Variants in TACR3 observed in about 807,000 individuals in gnomAD.
TACR3 encodes neuromedin-K receptor.
Under a neutral mutation model 35.0 loss-of-function variants are expected in TACR3, and 34 were observed. The observed-to-expected ratio is 0.97, with a 90% CI of 0.74 to 1.30. The LOEUF (loss-of-function observed/expected upper bound fraction) is 1.30, where lower values mean the gene tolerates loss of function less well. TACR3 is among the 50% of genes most tolerant of loss of function. The pLI, the probability that TACR3 is intolerant of heterozygous loss-of-function variation, is 0.00. For missense variants in TACR3, 558 were observed against 591.7 expected (o/e 0.94, Z 0.59); for synonymous variants, 233 against 221.1 (o/e 1.05, Z -0.48).
At chr4:103,646,362 G>A (rs1451441580) in intron 3 of TACR3, among the ~76,000 whole-genome samples, 1 of 151,966 alleles carries the variant, frequency 6.6e-6, no homozygotes, top group Non-Finnish European at 1.5e-5. Context: ...AATAATCTTT[G>A]ACGAATGAAG....
At chr4:103,611,312 T>C (rs1345481955) in intron 3 of TACR3, among the ~76,000 whole-genome samples, 3 of 152,210 alleles carry the variant, frequency 2.0e-5, no homozygotes, top group Non-Finnish European at 4.4e-5. Context: ...TAATGTTTCA[T>C]AGTTTTTATT....
At chr4:103,609,916 T>A (rs976005986) in intron 3 of TACR3, among the ~76,000 whole-genome samples, 4 of 152,046 alleles carry the variant, frequency 2.6e-5, no homozygotes, top group African/African-American at 9.7e-5. Flanking sequence ...CATAATGTCC[T>A]CTAGGTTCAT....
intron 3 of TACR3, among the ~76,000 whole-genome samples, chr4:103,634,449 T>C (rs1725135734): frequency 6.6e-6 from 1 of 152,088 alleles, no homozygotes; most frequent in African/African-American, 2.4e-5. Context: ...GGTGCAGCTA[T>C]ACTAGCTATA....
chr4:103,659,201 G>A (rs1477357173), intron 1 of TACR3, among the ~76,000 whole-genome samples: 1 of 152,162 alleles, frequency 6.6e-6, no homozygotes, highest in Admixed American at 6.5e-5. Context: ...GTTCTAACAG[G>A]CCAGGAACTG....
intron 1 of TACR3, among the ~76,000 whole-genome samples, chr4:103,676,030 A>G (rs1326004649): frequency 6.6e-6 from 1 of 152,164 alleles, no homozygotes; most frequent in African/African-American, 2.4e-5. Context: ...CTATTCTTCC[A>G]TAGCTAGTTT....
Position 103,675,201 on chromosome 4 carries a change from T to C in TACR3, c.549-16798A>G, listed in dbSNP as rs1726142561. Among the ~76,000 whole-genome samples the C allele has an allele frequency of 2.0e-5, 3 of 152,186 alleles. 1 individual carries two copies. Among genetic ancestry groups the C allele is most frequent in the Admixed American group, 6.5e-5 (1 of 15,274 alleles). On this transcript the variant is annotated intron_variant, in intron 1 of 4. Transcript: ENST00000304883. Reference sequence around the variant, plus strand: ...TCTTTCCCTCTTTTCTATCAATGCTTGGATCTTGAAATGTCCTCATAATGA... The same window carrying C: ...TCTTTCCCTCTTTTCTATCAATGCTCGGATCTTGAAATGTCCTCATAATGA...
At position 103,660,278 on chromosome 4, in the gene TACR3, AATC is replaced by A. The variant is rs144894782; in HGVS notation, c.549-1878_549-1876del. ...AACATGAAACTTAGATTTGAAAAAT[AATC>A]ATATTTGTCCTTTTGTGACTGGCTT... On this transcript the variant is annotated intron_variant, in intron 1 of 4. Transcript: ENST00000304883. Among the ~76,000 whole-genome samples, 342 of 152,224 alleles carry A rather than the reference AATC, an allele frequency of 2.2e-3. 1 individual carries two copies. Among genetic ancestry groups the A allele is most frequent in the African/African-American group, 4.9e-3 (205 of 41,568 alleles).
chr4:103,625,379 T>C (rs1258338419), intron 3 of TACR3, among the ~76,000 whole-genome samples: 2 of 151,498 alleles, frequency 1.3e-5, no homozygotes, highest in African/African-American at 2.4e-5. Context: ...AATGAAAAGG[T>C]GAAATAATTT....
intron 3 of TACR3, among the ~76,000 whole-genome samples, chr4:103,621,655 G>GATT (rs2110304279): frequency 6.6e-6 from 1 of 152,282 alleles, no homozygotes; most frequent in African/African-American, 2.4e-5. Flanking sequence ...AAAAGTTATA[G>GATT]ATTATTTCCA....
chr4:103,712,907 A>G (rs1278693039), intron 1 of TACR3, among the ~76,000 whole-genome samples: 1 of 152,244 alleles, frequency 6.6e-6, no homozygotes, highest in Non-Finnish European at 1.5e-5. Flanking sequence ...GAGAAATGCA[A>G]ATCAAAACCA....
intron 1 of TACR3, among the ~76,000 whole-genome samples, chr4:103,693,340 G>T (rs186580680): frequency 2.1e-4 from 32 of 152,072 alleles, no homozygotes; most frequent in Admixed American, 9.8e-4. Context: ...TATTTTTTAT[G>T]GGCAGACACA....
At chr4:103,648,557 G>A (rs951783340) in intron 3 of TACR3, among the ~76,000 whole-genome samples, 2 of 152,024 alleles carry the variant, frequency 1.3e-5, no homozygotes, top group South Asian at 2.1e-4. Context: ...TTCTGTGCCT[G>A]GCTTATTTCA....
At chr4:103,703,053 A>C (rs909994407) in intron 1 of TACR3, among the ~76,000 whole-genome samples, 16 of 152,270 alleles carry the variant, frequency 1.1e-4, no homozygotes, top group Middle Eastern at 3.4e-3. Context: ...AAGTATAATA[A>C]AAAATAATAA....
rs562871198 is a variant in TACR3, at chr4:103,719,406, C to A, written c.270G>T (p.Leu90=). ...CCACTGCCACCACCACACCATACGCCAGGGACCAGAGCGCGATGCGCCAGG... is the reference window on the plus strand; with the variant it reads ...CCACTGCCACCACCACACCATACGCAAGGGACCAGAGCGCGATGCGCCAGG... ...QPSWRIALWS[L]AYGVVVAVAV... The change falls in exon 1 of 5, where the codon CTG becomes CTT. Residue 90 remains leucine, a synonymous_variant. Transcript: ENST00000304883. 71 of 1,614,244 alleles carry A rather than the reference C, an allele frequency of 4.4e-5. No homozygotes were observed. The South Asian group carries it at 7.5e-4, about 17-fold the overall frequency.
rs1317952789 is a variant in TACR3, at chr4:103,719,253, G to C, written c.423C>G (p.Val141=). The C allele has an allele frequency of 6.2e-7, 1 of 1,614,086 alleles. No individual in the cohort carries two copies. The highest frequency in any genetic ancestry group is 2.2e-5 in the East Asian group (1 of 44,886). ...CGCTATGAAGCGCGTAGATGAAATT[G>C]ACCAACGTGTTGAAGGCGGCCATGG... ...DASMAAFNTL[V]NFIYALHSEW... is the part of the protein sequence containing the mutation. The change falls in exon 1 of 5, where the codon GTC becomes GTG. Residue 141 remains valine, a synonymous_variant. Coordinates refer to ENST00000304883, the MANE Select transcript of TACR3 (RefSeq NM_001059.3).
At chr4:103,602,262 T>C (rs1578221346) in intron 3 of TACR3, among the ~76,000 whole-genome samples, 2 of 152,304 alleles carry the variant, frequency 1.3e-5, no homozygotes, top group African/African-American at 4.8e-5. Context: ...CTTCTCTGCA[T>C]TGGTTATTCT....
Position 103,678,863 on chromosome 4 carries a change from C to T in TACR3, c.549-20460G>A, listed in dbSNP as rs73835396. 4.0e-3 allele frequency among the ~76,000 whole-genome samples: 604 copies of T among 150,586 alleles called. 3 individuals carry two copies. Among genetic ancestry groups the T allele is most frequent in the African/African-American group, 0.014 (558 of 41,096 alleles). ...TATAAGATTATTTTATTTTAATAATCTTTTCTCTTTGAGGGCCATAAGTCT... is the reference window on the plus strand; with the variant it reads ...TATAAGATTATTTTATTTTAATAATTTTTTCTCTTTGAGGGCCATAAGTCT... On this transcript the variant is annotated intron_variant, in intron 1 of 4. Coordinates refer to ENST00000304883, the MANE Select transcript of TACR3 (RefSeq NM_001059.3).
intron 3 of TACR3, among the ~76,000 whole-genome samples, chr4:103,617,408 A>G (rs1239332184): frequency 6.6e-6 from 1 of 152,204 alleles, no homozygotes; most frequent in Non-Finnish European, 1.5e-5. Flanking sequence ...AAAGTACTTG[A>G]TAATACTTGA....
chr4:103,614,486 A>C (rs1676877919), intron 3 of TACR3, among the ~76,000 whole-genome samples: 1 of 152,216 alleles, frequency 6.6e-6, no homozygotes, highest in South Asian at 2.1e-4. Flanking sequence ...GTTTAAGCTC[A>C]TGCTCTTCAT....
Sources: gnomAD v4.1 joint callset for allele counts (sites outside exome capture counted in the v4.1 genomes callset) on GRCh38, gnomAD v4.1.1 for gene constraint, MANE v1.5 for transcripts, NCBI Gene and HGNC (gene_info 2026-07-23, HGNC 2026-07-21) for gene names.